The following SLAMF9 variants were observed in gnomAD, a reference collection of about 807,000 sequenced individuals.
The protein encoded by SLAMF9 is CD2 family member 10.
A neutral mutation model predicts 30.4 loss-of-function variants in SLAMF9; 25 were observed. The ratio of observed to expected loss-of-function variants is 0.82; its 90% CI spans 0.60 to 1.15. The LOEUF is 1.15. Ranked by LOEUF, SLAMF9 falls within the 50% of genes most tolerant of loss-of-function variation. SLAMF9 has a pLI of 0.00. For synonymous variants in SLAMF9, 129 were observed against 127.2 expected (o/e 1.01, Z -0.09); for missense variants, 344 against 346.1 (o/e 0.99, Z 0.05).
the SLAMF9 span, among the ~76,000 whole-genome samples, chr1:159,960,461 CTT>C: frequency 6.1e-5 from 8 of 130,736 alleles, no homozygotes; most frequent in Non-Finnish European, 6.4e-5. Context: ...CTCTGATGAT[CTT>C]TTTTTTTTTT....
At chr1:159,957,398 G>A (rs1266852133), upstream of SLAMF9, among the ~76,000 whole-genome samples, 3 of 152,130 alleles carry the variant, frequency 2.0e-5, no homozygotes, top group Non-Finnish European at 4.4e-5. Context: ...GGCCGAAGCG[G>A]GTGGATCACG....
At chr1:159,960,075 T>C in the SLAMF9 span, among the ~76,000 whole-genome samples, 5 of 151,894 alleles carry the variant, frequency 3.3e-5, no homozygotes, top group African/African-American at 4.8e-5. Context: ...GCAGGTTTGT[T>C]ACATATGTAT....
chr1:159,969,683 C>G, the SLAMF9 span, among the ~76,000 whole-genome samples: 1,248 of 152,272 alleles, frequency 8.2e-3, 16 homozygotes, highest in African/African-American at 0.029. Context: ...AAAATATTTC[C>G]TGGACAGGGG....
chr1:159,953,136 A>G (rs946567878), intron 2 of SLAMF9, among the ~76,000 whole-genome samples, 173 bp downstream of exon 2: 2 of 152,184 alleles, frequency 1.3e-5, no homozygotes, highest in Non-Finnish European at 2.9e-5. Context: ...GCTGCGGTTC[A>G]GATACAACAG....
chr1:159,976,933 A>AAAG, the SLAMF9 span: 1 of 680 alleles, frequency 1.5e-3, no homozygotes, highest in Non-Finnish European at 0.025. Context: ...AGAAAGAAAG[A>AAAG]AAGAAAGAAA....
At chr1:159,961,841 G>A in the SLAMF9 span, among the ~76,000 whole-genome samples, 1 of 152,146 alleles carries the variant, frequency 6.6e-6, no homozygotes. Flanking sequence ...TAGACCTGCT[G>A]AGTTTATAAG....
chr1:159,965,894 T>C, the SLAMF9 span, among the ~76,000 whole-genome samples: 3 of 152,250 alleles, frequency 2.0e-5, no homozygotes, highest in African/African-American at 4.8e-5. Context: ...GATATATGTC[T>C]ACAATTCCAA....
At chr1:159,970,241 T>C in the SLAMF9 span, among the ~76,000 whole-genome samples, 4 of 152,116 alleles carry the variant, frequency 2.6e-5, no homozygotes, top group Admixed American at 2.6e-4. Context: ...AGCTGAATGA[T>C]TAGAAAGATA....
Position 159,954,108 on chromosome 1 carries a change from GAGA to G in SLAMF9, c.27_29del (p.Leu13del), listed in dbSNP as rs766778157. On this transcript the variant is annotated inframe_deletion, in exon 1 of 4. Coordinates refer to ENST00000368093, the MANE Select transcript of SLAMF9 (RefSeq NM_033438.4). ...TTCACTCACCCTCCTGGAGCAGCAGGAGAAGAAGCAGCCAAGGAAAGGCACACA... is the reference window on the plus strand; with the variant it reads ...TTCACTCACCCTCCTGGAGCAGCAGGAGAAGCAGCCAAGGAAAGGCACACA... 1 of 1,613,984 alleles carries G rather than the reference GAGA, an allele frequency of 6.2e-7. No individual in the cohort carries two copies. Among genetic ancestry groups the G allele is most frequent in the South Asian group, 1.1e-5 (1 of 91,080 alleles).
In SLAMF9 at chr1:159,953,673, A is replaced by T. The variant is rs781095452; in HGVS notation, c.47-20T>A. On this transcript the variant is annotated intron_variant, in intron 1 of 3. Coordinates refer to ENST00000368093, the MANE Select transcript of SLAMF9 (RefSeq NM_033438.4). ...GGCTGCCTATGCAGGAAGAAAAGAG[A>T]AGCAAACAACCCAGCTGCTGTCTCT... 6.4e-7 allele frequency: 1 copy of T among 1,573,690 alleles called. No homozygotes were observed. The highest frequency in any genetic ancestry group is 1.2e-5 in the South Asian group (1 of 84,606).
upstream of SLAMF9, among the ~76,000 whole-genome samples, chr1:159,958,268 C>T (rs957562319): frequency 1.3e-4 from 20 of 152,170 alleles, no homozygotes; most frequent in Non-Finnish European, 2.4e-4. Context: ...GAGGCTGCTA[C>T]AGTGAGTATG....
At chr1:159,965,276 A>C in the SLAMF9 span, among the ~76,000 whole-genome samples, 1 of 152,310 alleles carries the variant, frequency 6.6e-6, no homozygotes, top group South Asian at 2.1e-4. Flanking sequence ...AGGAAAAACA[A>C]GGCAGGATAA....
chr1:159,953,152 T>C (rs760466580), intron 2 of SLAMF9, among the ~76,000 whole-genome samples, 157 bp downstream of exon 2: 5 of 152,130 alleles, frequency 3.3e-5, no homozygotes, highest in Non-Finnish European at 4.4e-5. Flanking sequence ...AACAGGTGGA[T>C]TGGGCACACT....
chr1:159,956,617 A>G (rs184336070), upstream of SLAMF9, among the ~76,000 whole-genome samples: 1 of 152,260 alleles, frequency 6.6e-6, no homozygotes, highest in Admixed American at 6.5e-5. Flanking sequence ...ACACCTCCCC[A>G]TCCTCCTGGA....
intron 3 of SLAMF9, 122 bp downstream of exon 3, chr1:159,952,140 T>G (rs1161609802): frequency 1.2e-5 from 14 of 1,185,416 alleles, no homozygotes; most frequent in Non-Finnish European, 1.7e-5. Context: ...GTGTCAAGCC[T>G]CCATGGGAGG....
chr1:159,966,584 G>A, the SLAMF9 span, among the ~76,000 whole-genome samples: 1 of 152,148 alleles, frequency 6.6e-6, no homozygotes, highest in East Asian at 1.9e-4. Context: ...CCTACTAACA[G>A]TGTACAAGTG....
the SLAMF9 span, among the ~76,000 whole-genome samples, chr1:159,961,726 C>T: frequency 6.6e-6 from 1 of 152,102 alleles, no homozygotes; most frequent in Non-Finnish European, 1.5e-5. Flanking sequence ...GCTGGGCACA[C>T]TGAAGTACAG....
upstream of SLAMF9, among the ~76,000 whole-genome samples, chr1:159,954,708 C>T (rs1651885526): frequency 6.6e-6 from 1 of 152,152 alleles, no homozygotes; most frequent in Non-Finnish European, 1.5e-5. Context: ...ATGATTAAGC[C>T]TTTTTATTTA....
the SLAMF9 span, among the ~76,000 whole-genome samples, chr1:159,982,623 C>A: frequency 0.029 from 4,489 of 152,256 alleles, 174 homozygotes; most frequent in African/African-American, 0.093. Context: ...TTTAGGGAAG[C>A]CTTTAGGGTA....
Sources: allele counts gnomAD v4.1 joint callset (sites outside exome capture counted in the v4.1 genomes callset), GRCh38; gene constraint gnomAD v4.1.1; transcripts MANE v1.5; gene names NCBI Gene and HGNC (gene_info 2026-07-23, HGNC 2026-07-21).